The following PRMT8 variants were observed in gnomAD, a reference collection of about 807,000 sequenced individuals.
PRMT8 encodes protein arginine N-methyltransferase 8.
Under a neutral mutation model 47.1 loss-of-function variants are expected in PRMT8, and 7 were observed. The observed-to-expected ratio is 0.15, with a 90% CI of 0.08 to 0.28. The LOEUF is 0.28. PRMT8 is among the 10% of genes least tolerant of loss of function. The pLI, the probability that PRMT8 is intolerant of heterozygous loss-of-function variation, is 1.00. For missense variants in PRMT8, 237 were observed against 505.4 expected, an observed-to-expected ratio of 0.47 and a Z score of 5.09; for synonymous variants, 188 against 186.5, an observed-to-expected ratio of 1.01 and a Z score of -0.07.
intron 1 of PRMT8, among the ~76,000 whole-genome samples, chr12:3,539,115 A>C (rs892357008): frequency 6.6e-6 from 1 of 152,200 alleles, no homozygotes; most frequent in Non-Finnish European, 1.5e-5. Flanking sequence ...GTCTGAGCTG[A>C]CCCAGCTCAC....
chr12:3,450,330 G>A (rs1015652482), intron 1 of PRMT8, among the ~76,000 whole-genome samples: 2 of 152,128 alleles, frequency 1.3e-5, no homozygotes, highest in Non-Finnish European at 1.5e-5. Context: ...TTGTAACATC[G>A]TATACTAGTC....
intron 8 of PRMT8, among the ~76,000 whole-genome samples, chr12:3,590,525 C>T (rs1042197517): frequency 6.6e-5 from 10 of 151,992 alleles, no homozygotes; most frequent in African/African-American, 2.2e-4. Flanking sequence ...TGTTCTGCCC[C>T]CAAAGCCATG....
chr12:3,532,407 C>T (rs543674102), intron 1 of PRMT8, among the ~76,000 whole-genome samples: 5 of 150,006 alleles, frequency 3.3e-5, no homozygotes, highest in Admixed American at 6.6e-5. Flanking sequence ...GTCAGGAGTT[C>T]GAGACCAGCC....
chr12:3,403,417 C>T (rs546532471), intron 1 of PRMT8, among the ~76,000 whole-genome samples: 24 of 150,702 alleles, frequency 1.6e-4, no homozygotes, highest in Admixed American at 1.3e-3. Flanking sequence ...CCAGGGCACA[C>T]GTTTAACAAT....
intron 8 of PRMT8, among the ~76,000 whole-genome samples, chr12:3,587,363 T>A (rs1867202504): frequency 6.6e-6 from 1 of 151,174 alleles, no homozygotes; most frequent in Non-Finnish European, 1.5e-5. Flanking sequence ...TATTAGAAGG[T>A]AAATACATTA....
intron 1 of PRMT8, among the ~76,000 whole-genome samples, chr12:3,437,622 CTATATATA>C (rs57504454): frequency 0.16 from 23,151 of 142,376 alleles, 2,018 homozygotes; most frequent in South Asian, 0.23. Flanking sequence ...TGCATTCAGG[CTATATATA>C]TATATATATA....
chr12:3,527,732 A>G (rs1253855958), intron 1 of PRMT8, among the ~76,000 whole-genome samples: 2 of 152,156 alleles, frequency 1.3e-5, no homozygotes, highest in East Asian at 1.9e-4. Context: ...AAAGCCTTTT[A>G]TATTTACACA....
At chr12:3,487,090 C>T (rs780411370), upstream of PRMT8, among the ~76,000 whole-genome samples, 29 of 152,162 alleles carry the variant, frequency 1.9e-4, no homozygotes, top group Non-Finnish European at 2.5e-4. Flanking sequence ...GCTGCTGCAG[C>T]CTTGGCTTGG....
rs1012957332 is a variant in PRMT8, at chr12:3,561,705, G to A, written c.482-7001G>A. On this transcript the variant is annotated intron_variant, in intron 4 of 9. Coordinates refer to ENST00000382622, the MANE Select transcript of PRMT8 (RefSeq NM_019854.5). Reference sequence around the variant, plus strand: ...GCCATGGCGGTGGGGCCTTGTAAACGTCCTTGTTGAAGTCCCACATGATAT... The same window carrying A: ...GCCATGGCGGTGGGGCCTTGTAAACATCCTTGTTGAAGTCCCACATGATAT... Among the ~76,000 whole-genome samples, 5 of 152,146 alleles carry A rather than the reference G, an allele frequency of 3.3e-5. No individual in the cohort carries two copies. The South Asian group carries it at 8.3e-4, about 25-fold the overall frequency.
chr12:3,481,231 G>A (rs989816617), intron 1 of PRMT8, among the ~76,000 whole-genome samples: 5 of 152,158 alleles, frequency 3.3e-5, no homozygotes, highest in Admixed American at 2.0e-4. Context: ...TCTGTAACAG[G>A]TGCCCTCTCT....
At position 3,568,914 on chromosome 12, in the gene PRMT8, G is replaced by A. The variant is rs540905274; in HGVS notation, c.624+66G>A. 4.3e-4 allele frequency: 681 copies of A among 1,598,678 alleles called. 4 individuals are homozygous for A. The African/African-American group carries it at 6.3e-3, about 15-fold the overall frequency. On this transcript the variant is annotated intron_variant, in intron 5 of 9. Transcript: ENST00000382622. ...TGTCCTGCTCCTCTACCCAAGGCCT[G>A]CAGCCTAGGAGGCATACGAAGACTT... is the stretch of plus-strand genomic sequence containing the variant.
At chr12:3,553,768 A>G (rs1866470561) in intron 4 of PRMT8, 54 bp downstream of exon 4, 2 of 1,482,464 alleles carry the variant, frequency 1.3e-6, no homozygotes, top group East Asian at 4.5e-5. Flanking sequence ...GGAAGCTCAC[A>G]CTTTCTTGTT....
intron 4 of PRMT8, among the ~76,000 whole-genome samples, chr12:3,567,385 C>T (rs1211395612): frequency 6.6e-6 from 1 of 152,198 alleles, no homozygotes; most frequent in Non-Finnish European, 1.5e-5. Context: ...ATGCTCTCAT[C>T]AAAATATCAA....
intron 1 of PRMT8, among the ~76,000 whole-genome samples, chr12:3,532,798 A>C (rs1169212868): frequency 1.3e-5 from 2 of 152,100 alleles, no homozygotes; most frequent in Non-Finnish European, 2.9e-5. Flanking sequence ...GACCCGTCCC[A>C]AAATTTCTGA....
intron 4 of PRMT8, among the ~76,000 whole-genome samples, chr12:3,555,861 TGGG>T: frequency 1.9e-5 from 2 of 106,078 alleles, no homozygotes; most frequent in Non-Finnish European, 4.3e-5. Flanking sequence ...ACTGGGTGGA[TGGG>T]ACCTGAGGAT....
intron 8 of PRMT8, among the ~76,000 whole-genome samples, chr12:3,585,383 A>G (rs1163720173): frequency 1.5e-5 from 2 of 130,820 alleles, no homozygotes; most frequent in Non-Finnish European, 3.1e-5. Flanking sequence ...CTCAGAGACA[A>G]GGTCTCACTC....
At chr12:3,471,098 T>C (rs150149480) in intron 1 of PRMT8, among the ~76,000 whole-genome samples, 181 of 152,160 alleles carry the variant, frequency 1.2e-3, no homozygotes, top group Admixed American at 2.0e-3. Context: ...GGTTTCTTCA[T>C]AGAGCAGCAA....
upstream of PRMT8, among the ~76,000 whole-genome samples, chr12:3,489,358 G>T (rs1355146302): frequency 6.6e-6 from 1 of 151,868 alleles, no homozygotes; most frequent in African/African-American, 2.4e-5. Flanking sequence ...AGCAGTGTTG[G>T]GTGGGGGCAG....
At chr12:3,430,422 G>A (rs529695052) in intron 1 of PRMT8, among the ~76,000 whole-genome samples, 1 of 152,056 alleles carries the variant, frequency 6.6e-6, no homozygotes, top group African/African-American at 2.4e-5. Flanking sequence ...ATGAGGGGTG[G>A]TCTCCTCCCT....
Sources: gnomAD v4.1 joint callset for allele counts (sites outside exome capture counted in the v4.1 genomes callset) on GRCh38, gnomAD v4.1.1 for gene constraint, MANE v1.5 for transcripts, NCBI Gene and HGNC (gene_info 2026-07-23, HGNC 2026-07-21) for gene names.